Variants in MGAT4C observed in about 807,000 individuals in gnomAD.
MGAT4C encodes the protein alpha-1,3-mannosyl-glycoprotein 4-beta-N-acetylglucosaminyltransferase C.
Under a neutral mutation model 40.1 loss-of-function variants are expected in MGAT4C, and 19 were observed. That is an observed-to-expected ratio of 0.47 (90% CI 0.33 to 0.70). The LOEUF is 0.70. Among genes scored for constraint, MGAT4C ranks in the 30% least tolerant of loss-of-function variants. MGAT4C has a pLI of 0.02. For missense variants in MGAT4C, 491 were observed against 563.2 expected (o/e 0.87, Z 1.30); for synonymous variants, 181 against 187.1 (o/e 0.97, Z 0.27).
chr12:86,542,003 G>A (rs1042616176), intron 2 of MGAT4C, among the ~76,000 whole-genome samples: 1 of 152,144 alleles, frequency 6.6e-6, no homozygotes, highest in Non-Finnish European at 1.5e-5. Context: ...ACAAAAACAT[G>A]ACATTTGAGC....
chr12:86,821,237 T>C (rs1952700089), intron 1 of MGAT4C, among the ~76,000 whole-genome samples: 1 of 150,912 alleles, frequency 6.6e-6, no homozygotes, highest in Non-Finnish European at 1.5e-5. Context: ...CACAGTGATG[T>C]AGCTGCAGCA....
chr12:86,056,044 T>A (rs1189908937), intron 1 of MGAT4C, among the ~76,000 whole-genome samples: 1 of 152,096 alleles, frequency 6.6e-6, no homozygotes. Flanking sequence ...ACTATACCAC[T>A]AGTTTCAACA....
At chr12:86,283,788 T>C (rs552653871) in intron 4 of MGAT4C, among the ~76,000 whole-genome samples, 1 of 152,210 alleles carries the variant, frequency 6.6e-6, no homozygotes, top group South Asian at 2.1e-4. Context: ...TAAATAAATG[T>C]CTGTATGTGA....
At chr12:86,462,700 A>T (rs1957619675) in intron 2 of MGAT4C, among the ~76,000 whole-genome samples, 1 of 152,168 alleles carries the variant, frequency 6.6e-6, no homozygotes, top group Admixed American at 6.5e-5. Context: ...CTGGCAAGCC[A>T]CTAGTGTAAG....
intron 2 of MGAT4C, among the ~76,000 whole-genome samples, chr12:86,592,749 T>C (rs1684914984): frequency 6.6e-6 from 1 of 152,138 alleles, no homozygotes; most frequent in Admixed American, 6.6e-5. Flanking sequence ...TTAACTAATC[T>C]CTCCATGGTT....
At chr12:86,067,546 G>A (rs988351067) in intron 1 of MGAT4C, among the ~76,000 whole-genome samples, 22 of 151,834 alleles carry the variant, frequency 1.4e-4, no homozygotes, top group East Asian at 3.9e-4. Flanking sequence ...ATCACACACC[G>A]GGGCCTGTTG....
chr12:86,176,131 C>T (rs1053137259), intron 1 of MGAT4C, among the ~76,000 whole-genome samples: 2 of 152,200 alleles, frequency 1.3e-5, no homozygotes, highest in Non-Finnish European at 2.9e-5. Context: ...TTGCTTTAAT[C>T]TAACCTAACA....
chr12:86,147,311 A>G (rs1338316762), intron 1 of MGAT4C, among the ~76,000 whole-genome samples: 13 of 151,642 alleles, frequency 8.6e-5, no homozygotes, highest in East Asian at 5.8e-4. Flanking sequence ...CCGCGATCTC[A>G]GCTCACTGCA....
intron 1 of MGAT4C, among the ~76,000 whole-genome samples, chr12:86,182,439 A>G (rs1225475121): frequency 6.6e-6 from 1 of 152,068 alleles, no homozygotes; most frequent in Admixed American, 6.6e-5. Context: ...TTTTTAACTA[A>G]AATTCCCTGA....
At chr12:86,583,361 A>T (rs562497767) in intron 2 of MGAT4C, among the ~76,000 whole-genome samples, 26 of 151,452 alleles carry the variant, frequency 1.7e-4, no homozygotes, top group Non-Finnish European at 2.4e-4. Context: ...ATATTCAATG[A>T]CTTTTCTCAA....
intron 1 of MGAT4C, among the ~76,000 whole-genome samples, chr12:86,137,581 T>C (rs1295505878): frequency 1.3e-5 from 2 of 152,206 alleles, no homozygotes; most frequent in Admixed American, 1.3e-4. Context: ...ATCAGTTCTT[T>C]ACTCACCTTA....
intron 2 of MGAT4C, among the ~76,000 whole-genome samples, chr12:86,557,216 A>G (rs1016535824): frequency 2.0e-5 from 3 of 152,198 alleles, no homozygotes; most frequent in Non-Finnish European, 4.4e-5. Flanking sequence ...AACATTTTGT[A>G]TCTAAAAGCA....
intron 2 of MGAT4C, among the ~76,000 whole-genome samples, chr12:86,679,028 T>C (rs1949926535): frequency 6.6e-6 from 1 of 152,116 alleles, no homozygotes; most frequent in Non-Finnish European, 1.5e-5. Flanking sequence ...ATGGTTGAAC[T>C]AGTTTACAGT....
chr12:86,819,862 C>T (rs34239582), intron 1 of MGAT4C, among the ~76,000 whole-genome samples: 16,430 of 137,544 alleles, frequency 0.12, 1,146 homozygotes, highest in Non-Finnish European at 0.17. Context: ...TAGTTCCAAA[C>T]ATGGAGGGTA....
chr12:86,089,997 T>C (rs1389039464), intron 1 of MGAT4C, among the ~76,000 whole-genome samples: 1 of 151,686 alleles, frequency 6.6e-6, no homozygotes, highest in Non-Finnish European at 1.5e-5. Flanking sequence ...TCTAAAGTTC[T>C]ATTTATCTCT....
chr12:86,269,221 C>A (rs1411395894), intron 4 of MGAT4C, among the ~76,000 whole-genome samples: 1 of 150,604 alleles, frequency 6.6e-6, no homozygotes, highest in Non-Finnish European at 1.5e-5. Context: ...TTGGAAATAA[C>A]CTGCTTAAGT....
At chr12:86,827,696 T>C (rs527538028) in intron 1 of MGAT4C, among the ~76,000 whole-genome samples, 88 of 151,612 alleles carry the variant, frequency 5.8e-4, no homozygotes, top group Admixed American at 1.3e-3. Context: ...GTAAATCATA[T>C]GTTTGATTGT....
Position 85,963,470 on chromosome 12 carries a change from C to G in MGAT4C, c.*15819G>C, listed in dbSNP as rs1883214083. On this transcript the variant is annotated 3_prime_UTR_variant, in exon 5 of 5. Coordinates refer to ENST00000611864, the MANE Select transcript of MGAT4C (RefSeq NM_001351288.2). ...TACACACAGACACACACAGAGTTTG[C>G]TTATAAGCTCAGGAAGCTTAAAGAT... The G allele has an allele frequency of 6.6e-6, 1 of 151,824 alleles. No homozygotes were observed. Among genetic ancestry groups the G allele is most frequent in the Admixed American group, 6.6e-5 (1 of 15,228 alleles). 9.4% of individuals were successfully genotyped at this position (151,824 alleles called of 1,614,324 possible).
At chr12:86,060,614 T>A (rs1012086203) in intron 1 of MGAT4C, among the ~76,000 whole-genome samples, 60 of 152,316 alleles carry the variant, frequency 3.9e-4, no homozygotes, top group African/African-American at 1.4e-3. Flanking sequence ...CAAATGTGTA[T>A]AATCTTTCAA....
Sources: allele counts gnomAD v4.1 joint callset (sites outside exome capture counted in the v4.1 genomes callset), GRCh38; gene constraint gnomAD v4.1.1; transcripts MANE v1.5; gene names NCBI Gene and HGNC (gene_info 2026-07-23, HGNC 2026-07-21).